Variants in MEF2A observed in about 807,000 individuals in gnomAD.
MEF2A encodes myocyte enhancer factor 2A.
Under a neutral mutation model 55.8 loss-of-function variants are expected in MEF2A, and 28 were observed. The ratio of observed to expected loss-of-function variants is 0.50; its 90% CI spans 0.37 to 0.69. The LOEUF (loss-of-function observed/expected upper bound fraction) is 0.69. Among genes scored for constraint, MEF2A ranks in the 30% least tolerant of loss-of-function variants. The probability of loss-of-function intolerance (pLI) is 0.00; values close to 1 mark genes in which losing one functional copy is unlikely to be tolerated. For missense variants in MEF2A, 528 were observed against 626.2 expected (o/e 0.84, Z 1.67); for synonymous variants, 239 against 227.1 (o/e 1.05, Z -0.47).
intron 1 of MEF2A, among the ~76,000 whole-genome samples, chr15:99,572,753 T>C (rs982042822): frequency 6.6e-6 from 1 of 152,210 alleles, no homozygotes. Context: ...TAGACAAAAG[T>C]TTTTTGCTCT....
chr15:99,603,701 A>G (rs1311958192), intron 2 of MEF2A, among the ~76,000 whole-genome samples: 1 of 152,030 alleles, frequency 6.6e-6, no homozygotes, highest in Non-Finnish European at 1.5e-5. Context: ...ATGCCCAGCC[A>G]GTGTTAGTAA....
chr15:99,576,112 A>G (rs1964182561), intron 1 of MEF2A, among the ~76,000 whole-genome samples: 1 of 152,186 alleles, frequency 6.6e-6, no homozygotes. Flanking sequence ...AGTATTTAGA[A>G]ACCAGAAACC....
intron 8 of MEF2A, among the ~76,000 whole-genome samples, chr15:99,695,234 T>C (rs571745762): frequency 9.2e-5 from 14 of 152,226 alleles, no homozygotes; most frequent in African/African-American, 3.4e-4. Context: ...AAAAATAAAA[T>C]ATATGACAAC....
intron 2 of MEF2A, among the ~76,000 whole-genome samples, chr15:99,600,716 A>T (rs1972682046): frequency 6.6e-6 from 1 of 151,864 alleles, no homozygotes; most frequent in Non-Finnish European, 1.5e-5. Flanking sequence ...ATTGGCCATT[A>T]TGTGTGGGTC....
intron 1 of MEF2A, among the ~76,000 whole-genome samples, chr15:99,597,253 A>G (rs1971503601): frequency 1.3e-5 from 2 of 152,276 alleles, no homozygotes; most frequent in South Asian, 4.2e-4. Context: ...ATCCCTGAGA[A>G]AGAGAATGCG....
chr15:99,677,798 G>A (rs2052415301), intron 7 of MEF2A, among the ~76,000 whole-genome samples: 1 of 152,124 alleles, frequency 6.6e-6, no homozygotes, highest in African/African-American at 2.4e-5. Context: ...GACTGGAGAT[G>A]GTGAGCTAAA....
At chr15:99,688,290 C>A (rs1386743592) in intron 7 of MEF2A, among the ~76,000 whole-genome samples, 1 of 152,136 alleles carries the variant, frequency 6.6e-6, no homozygotes, top group Non-Finnish European at 1.5e-5. Flanking sequence ...CAGAAAACTA[C>A]CTCAGGCTTA....
chr15:99,688,039 T>C (rs2054636260), intron 7 of MEF2A, among the ~76,000 whole-genome samples: 1 of 152,246 alleles, frequency 6.6e-6, no homozygotes, highest in Non-Finnish European at 1.5e-5. Context: ...GGTTCACTAT[T>C]CTGAATATTT....
At chr15:99,596,875 G>C (rs1210253247) in intron 1 of MEF2A, among the ~76,000 whole-genome samples, 2 of 152,194 alleles carry the variant, frequency 1.3e-5, no homozygotes, top group East Asian at 3.8e-4. Flanking sequence ...ACTGGCTGAA[G>C]CCATGGCAGA....
intron 11 of MEF2A, among the ~76,000 whole-genome samples, chr15:99,711,676 C>G (rs1189123956): frequency 6.6e-6 from 1 of 152,216 alleles, no homozygotes; most frequent in African/African-American, 2.4e-5. Flanking sequence ...GTCCCTTTCC[C>G]TCATCCATTC....
intron 3 of MEF2A, among the ~76,000 whole-genome samples, chr15:99,642,515 ATC>A (rs1000679018): frequency 1.8e-4 from 27 of 151,856 alleles, no homozygotes; most frequent in African/African-American, 5.8e-4. Flanking sequence ...TGTGCTAAAA[ATC>A]TCTGTTATGA....
At chr15:99,688,994 A>G (rs1024520266) in intron 7 of MEF2A, among the ~76,000 whole-genome samples, 1 of 152,122 alleles carries the variant, frequency 6.6e-6, no homozygotes, top group Non-Finnish European at 1.5e-5. Flanking sequence ...CGTGGTTGCT[A>G]TACATGGGAA....
At chr15:99,633,234 G>T in intron 3 of MEF2A, 61 bp downstream of exon 3, 1 of 1,201,240 alleles carries the variant, frequency 8.3e-7, no homozygotes, top group Non-Finnish European at 1.1e-6. Context: ...AAGAACATAG[G>T]ACAGAATGGT....
intron 4 of MEF2A, among the ~76,000 whole-genome samples, chr15:99,659,516 C>T (rs2570817): frequency 0.21 from 32,418 of 152,054 alleles, 4,059 homozygotes; most frequent in South Asian, 0.31. Context: ...GAAGTTGTTC[C>T]TGATTACAGC....
chr15:99,627,651 G>A (rs918147963), intron 2 of MEF2A, among the ~76,000 whole-genome samples: 3 of 152,070 alleles, frequency 2.0e-5, no homozygotes, highest in Non-Finnish European at 2.9e-5. Context: ...TTACATTTAG[G>A]CATTTTGAAG....
chr15:99,674,535 T>G lies in MEF2A; in HGVS notation c.533T>G (p.Leu178Arg), dbSNP rs779722671. Reference sequence around the variant, plus strand: ...TCAACGTTAACAGATTCAAGCATGCTCTCTCCACCTCAAACCACATTACAT... The same window carrying G: ...TCAACGTTAACAGATTCAAGCATGCGCTCTCCACCTCAAACCACATTACAT... ...ASSTLTDSSM[L>R]SPPQTTLHRN... Residue 178 changes from leucine to arginine, a missense_variant, in exon 6 of 12, where the codon CTC becomes CGC. By Grantham distance (102) the Leu-to-Arg change is moderately radical. This residue lies in a region of MEF2A where 450 missense variants were observed against 475.3 expected (regional missense o/e 0.95). Transcript: ENST00000557942. 31 of 1,613,776 alleles carry G rather than the reference T, an allele frequency of 1.9e-5. No individual in the cohort carries two copies. The highest frequency in any genetic ancestry group is 2.3e-5 in the Non-Finnish European group (27 of 1,179,858).
intron 4 of MEF2A, among the ~76,000 whole-genome samples, chr15:99,664,740 A>G (rs1336246360): frequency 6.6e-6 from 1 of 152,212 alleles, no homozygotes; most frequent in East Asian, 1.9e-4. Context: ...AATAAAAGAT[A>G]ATGAATTCTA....
At chr15:99,644,046 C>G (rs550576764) in intron 3 of MEF2A, among the ~76,000 whole-genome samples, 2 of 152,192 alleles carry the variant, frequency 1.3e-5, no homozygotes, top group East Asian at 1.9e-4. Context: ...ATTTAAAGAA[C>G]CTTCTCAACT....
At chr15:99,691,732 G>A (rs1293968361) in intron 8 of MEF2A, among the ~76,000 whole-genome samples, 1 of 150,860 alleles carries the variant, frequency 6.6e-6, no homozygotes, top group Non-Finnish European at 1.5e-5. Context: ...GCATACCACA[G>A]AACTATTGTA....
Sources: allele counts gnomAD v4.1 joint callset (sites outside exome capture counted in the v4.1 genomes callset), GRCh38; gene constraint gnomAD v4.1.1; regional missense constraint gnomAD v4.1.1; transcripts MANE v1.5; gene names NCBI Gene and HGNC (gene_info 2026-07-23, HGNC 2026-07-21).